AFG2A: variants seen among roughly 807,000 people sequenced by gnomAD.
AFG2A encodes the protein ATPase family gene 2 protein homolog A.
the AFG2A span, among the ~76,000 whole-genome samples, chr4:123,105,406 T>C: frequency 0.054 from 8,260 of 152,290 alleles, 716 homozygotes; most frequent in African/African-American, 0.19. Context: ...GGAGAATTAA[T>C]GTTTTTGTGT....
At chr4:123,241,142 T>C in the AFG2A span, among the ~76,000 whole-genome samples, 8 of 152,168 alleles carry the variant, frequency 5.3e-5, no homozygotes, top group Admixed American at 5.2e-4. Context: ...CAATAATTAA[T>C]AGCCTACCAA....
the AFG2A span, among the ~76,000 whole-genome samples, chr4:123,017,381 A>G: frequency 8.0e-6 from 1 of 125,760 alleles, no homozygotes; most frequent in Non-Finnish European, 1.7e-5. Flanking sequence ...TTTTCTTTAA[A>G]TCTTCATAGA....
At chr4:122,952,257 C>G in the AFG2A span, among the ~76,000 whole-genome samples, 1 of 152,162 alleles carries the variant, frequency 6.6e-6, no homozygotes, top group Non-Finnish European at 1.5e-5. Context: ...CGGGCCTCAC[C>G]CAAACCCCTC....
At chr4:123,021,271 T>C in the AFG2A span, among the ~76,000 whole-genome samples, 1 of 151,860 alleles carries the variant, frequency 6.6e-6, no homozygotes, top group East Asian at 1.9e-4. Flanking sequence ...TTTTTTTTTC[T>C]TTTTTTACCT....
chr4:123,068,851 GA>G, the AFG2A span, among the ~76,000 whole-genome samples: 7 of 152,112 alleles, frequency 4.6e-5, no homozygotes, highest in African/African-American at 1.7e-4. Context: ...TAAAATTTGA[GA>G]CTTGTAAAAT....
the AFG2A span, among the ~76,000 whole-genome samples, chr4:123,305,463 C>G: frequency 6.6e-6 from 1 of 152,126 alleles, no homozygotes; most frequent in African/African-American, 2.4e-5. Flanking sequence ...GCTGACGCTA[C>G]CCAGGTCTTA....
chr4:123,007,585 TG>T, the AFG2A span, among the ~76,000 whole-genome samples: 13 of 3,804 alleles, frequency 3.4e-3, no homozygotes, highest in African/African-American at 8.0e-3. Context: ...TGTGTGTGTG[TG>T]TGTGTGTGTG....
At chr4:123,185,423 C>T in the AFG2A span, among the ~76,000 whole-genome samples, 1 of 152,012 alleles carries the variant, frequency 6.6e-6, no homozygotes, top group Admixed American at 6.6e-5. Flanking sequence ...TTTTATTTGT[C>T]ATGCAACTCT....
chr4:123,154,696 C>A, the AFG2A span, among the ~76,000 whole-genome samples: 1 of 152,028 alleles, frequency 6.6e-6, no homozygotes, highest in Non-Finnish European at 1.5e-5. Context: ...AAAAGGAGAT[C>A]ATTGATATCA....
chr4:122,946,106 T>G, the AFG2A span, among the ~76,000 whole-genome samples: 2 of 152,238 alleles, frequency 1.3e-5, no homozygotes, highest in Non-Finnish European at 2.9e-5. Flanking sequence ...AAGAGAATCA[T>G]GTATAAAATA....
chr4:123,295,339 C>G, the AFG2A span, among the ~76,000 whole-genome samples: 1 of 152,156 alleles, frequency 6.6e-6, no homozygotes, highest in Non-Finnish European at 1.5e-5. Flanking sequence ...AAAATTTTAC[C>G]AGGTTCTTTC....
the AFG2A span, among the ~76,000 whole-genome samples, chr4:122,951,855 T>C: frequency 6.6e-6 from 1 of 152,158 alleles, no homozygotes; most frequent in Non-Finnish European, 1.5e-5. Flanking sequence ...GTCTATCCTG[T>C]ATGAAGGAGA....
the AFG2A span, among the ~76,000 whole-genome samples, chr4:123,254,661 T>A: frequency 1.3e-5 from 2 of 152,170 alleles, no homozygotes; most frequent in African/African-American, 4.8e-5. Context: ...ATTCATTGAT[T>A]TTTAGTATAT....
At chr4:123,050,901 C>T in the AFG2A span, among the ~76,000 whole-genome samples, 5 of 152,176 alleles carry the variant, frequency 3.3e-5, no homozygotes, top group Middle Eastern at 3.4e-3. Context: ...CCTGCCACCA[C>T]GCCCAGCTAA....
At chr4:122,997,179 C>G in the AFG2A span, among the ~76,000 whole-genome samples, 3 of 152,046 alleles carry the variant, frequency 2.0e-5, no homozygotes, top group South Asian at 6.2e-4. Flanking sequence ...ATTCACATAC[C>G]AAACAATTTA....
chr4:123,145,784 G>A, the AFG2A span, among the ~76,000 whole-genome samples: 1 of 151,992 alleles, frequency 6.6e-6, no homozygotes, highest in Non-Finnish European at 1.5e-5. Context: ...ATTGGTTAAA[G>A]AATAATATGT....
At chr4:122,946,884 A>C in the AFG2A span, among the ~76,000 whole-genome samples, 1 of 152,104 alleles carries the variant, frequency 6.6e-6, no homozygotes, top group East Asian at 1.9e-4. Context: ...CAATTAAAAC[A>C]ATTATATGGT....
At chr4:123,252,097 C>T in the AFG2A span, among the ~76,000 whole-genome samples, 8 of 152,076 alleles carry the variant, frequency 5.3e-5, no homozygotes, top group South Asian at 1.7e-3. Context: ...TTTTTATTAC[C>T]CATTAATATA....
At chr4:123,067,806 A>G in the AFG2A span, among the ~76,000 whole-genome samples, 4 of 152,212 alleles carry the variant, frequency 2.6e-5, no homozygotes, top group East Asian at 7.7e-4. Flanking sequence ...TTTTTCTGAA[A>G]CAGTTCAGTT....
Sources: gnomAD v4.1 joint callset for allele counts (sites outside exome capture counted in the v4.1 genomes callset) on GRCh38, gnomAD v4.1.1 for gene constraint, MANE v1.5 for transcripts, NCBI Gene and HGNC (gene_info 2026-07-23, HGNC 2026-07-21) for gene names.